TTC19: variants seen among roughly 807,000 people sequenced by gnomAD.
The protein encoded by TTC19 is tetratricopeptide repeat domain 19.
TTC19 carries 38 observed loss-of-function variants against 49.5 expected under a neutral mutation model. That is an observed-to-expected ratio of 0.77 (90% CI 0.59 to 1.01). The LOEUF (loss-of-function observed/expected upper bound fraction) is 1.01, where lower values mean the gene tolerates loss of function less well. Ranked by LOEUF, TTC19 falls within the 50% of genes least tolerant of loss-of-function variation. TTC19 has a pLI of 0.00. For synonymous variants in TTC19, 204 were observed against 185.2 expected (o/e 1.10, Z -0.83); for missense variants, 475 against 477.7 (o/e 0.99, Z 0.05).
chr17:16,044,043 C>T (rs943244994), intron 2 of TTC19, among the ~76,000 whole-genome samples: 2 of 151,864 alleles, frequency 1.3e-5, no homozygotes, highest in Non-Finnish European at 2.9e-5. Context: ...GTGGCTGGTG[C>T]CTGTAATCCC....
At chr17:16,006,669 T>A in intron 7 of TTC19, 101 bp downstream of exon 7, 2 of 852,312 alleles carry the variant, frequency 2.3e-6, no homozygotes, top group East Asian at 4.9e-5. Flanking sequence ...GAGGGAAAGT[T>A]ACCTATTTTG....
downstream of TTC19, chr17:16,030,227 T>G: frequency 4.4e-6 from 1 of 228,418 alleles, no homozygotes. Flanking sequence ...TGGATCATCA[T>G]GAAGGTCTTC....
chr17:16,002,107 C>A, intron 3 of TTC19, 82 bp downstream of exon 3: 2 of 939,632 alleles, frequency 2.1e-6, no homozygotes, highest in South Asian at 1.3e-5. Flanking sequence ...GATTTATATT[C>A]CTGACTTTCA....
intron 2 of TTC19, chr17:16,034,940 T>A (rs1331700840): frequency 6.2e-7 from 1 of 1,613,300 alleles, no homozygotes; most frequent in Non-Finnish European, 8.5e-7. Context: ...GTTTGCAAAC[T>A]CCTCCTGAAA....
intron 2 of TTC19, among the ~76,000 whole-genome samples, chr17:16,034,441 A>C (rs1973588838): frequency 6.6e-6 from 1 of 152,004 alleles, no homozygotes; most frequent in Non-Finnish European, 1.5e-5. Flanking sequence ...ATAAAAATTA[A>C]AATGAAAATG....
intron 2 of TTC19, chr17:16,040,390 A>C (rs964283548): frequency 1.3e-6 from 2 of 1,504,390 alleles, no homozygotes; most frequent in Non-Finnish European, 1.8e-6. Context: ...TGTTGGACTG[A>C]CTACTGCTGT....
chr17:16,038,710 T>C (rs2056946283), intron 2 of TTC19, among the ~76,000 whole-genome samples: 1 of 152,192 alleles, frequency 6.6e-6, no homozygotes, highest in Admixed American at 6.5e-5. Context: ...AGTGCTATGA[T>C]TACACCTTTT....
chr17:16,023,988 A>G (rs1416511881), intron 7 of TTC19: 1 of 152,142 alleles, frequency 6.6e-6, no homozygotes, highest in African/African-American at 2.4e-5. Context: ...CTCTTTTTCT[A>G]GTCTTTTATT....
intron 7 of TTC19, among the ~76,000 whole-genome samples, chr17:16,019,028 G>GTA (rs1349604931): frequency 3.9e-5 from 6 of 152,014 alleles, no homozygotes; most frequent in Admixed American, 6.6e-5. Flanking sequence ...TATTGCACTT[G>GTA]TATATATCAA....
At chr17:16,041,391 GAA>G in intron 2 of TTC19, 1 of 137,148 alleles carries the variant, frequency 7.3e-6, no homozygotes, top group Admixed American at 7.5e-5. Flanking sequence ...GTGTCCCAAA[GAA>G]TGTGAAAGTT....
At chr17:16,022,361 A>G (rs986572838) in intron 7 of TTC19, among the ~76,000 whole-genome samples, 7 of 151,728 alleles carry the variant, frequency 4.6e-5, no homozygotes, top group Admixed American at 4.6e-4. Context: ...GGTTTCATCT[A>G]TAGTGTTACG....
intron 9 of TTC19, 36 bp from the exon 10 acceptor site, chr17:16,027,338 T>G: frequency 6.2e-7 from 1 of 1,612,352 alleles, no homozygotes; most frequent in Non-Finnish European, 8.5e-7. Context: ...AACATACACT[T>G]TCTTCTTACT....
chr17:16,025,436 C>G (rs1279938564), intron 8 of TTC19, among the ~76,000 whole-genome samples: 1 of 152,166 alleles, frequency 6.6e-6, no homozygotes, highest in Non-Finnish European at 1.5e-5. Flanking sequence ...TTCTACAGAG[C>G]AGGACTGGTC....
intron 2 of TTC19, among the ~76,000 whole-genome samples, chr17:16,041,572 G>A (rs1432277171): frequency 6.7e-6 from 1 of 150,268 alleles, no homozygotes; most frequent in Admixed American, 6.6e-5. Context: ...CCGCCACCAT[G>A]CCCAGCTAAT....
intron 7 of TTC19, among the ~76,000 whole-genome samples, chr17:16,021,720 G>A (rs1328042687): frequency 6.6e-6 from 1 of 152,214 alleles, no homozygotes; most frequent in Non-Finnish European, 1.5e-5. Flanking sequence ...TAAGGAGTTA[G>A]AATTACTGGA....
At chr17:16,021,056 A>G (rs6416868) in intron 7 of TTC19, among the ~76,000 whole-genome samples, 97,145 of 152,094 alleles carry the variant, frequency 0.64, 32,532 homozygotes, top group African/African-American at 0.84. Flanking sequence ...CCCATTACAC[A>G]CTAGATATGC....
chr17:16,015,849 AATCTT>A (rs1971198314), intron 7 of TTC19, among the ~76,000 whole-genome samples: 1 of 152,142 alleles, frequency 6.6e-6, no homozygotes, highest in African/African-American at 2.4e-5. Context: ...TATATTTACT[AATCTT>A]ATTTATTATA....
At chr17:16,040,555 G>T in intron 2 of TTC19, 1 of 1,402,642 alleles carries the variant, frequency 7.1e-7, no homozygotes, top group Non-Finnish European at 9.9e-7. Context: ...CCAAACTAAA[G>T]TCTCAAAAAA....
Position 16,000,003 on chromosome 17 carries a change from G to T in TTC19, c.155G>T (p.Arg52Leu). Residue 52 changes from arginine (R) to leucine (L), a missense_variant, in exon 1 of 10, where the codon CGG becomes CTG. Physicochemically the swap from Arg to Leu is moderately radical, Grantham distance 102. Transcript: ENST00000261647. ...CCATCCCGAGTCGCGCCGCACGGCC[G>T]GGGCCCAGGCCTGCTGCCGCTGCTG... ...VPPSRVAPHG[R>L]GPGLLPLLAA... The T allele has an allele frequency of 8.0e-7, 1 of 1,254,542 alleles. No individual in the cohort carries two copies. Among genetic ancestry groups the T allele is most frequent in the South Asian group, 2.9e-5 (1 of 34,970 alleles). The allele number at this position is 1,254,542 out of a possible 1,614,324, so 77.7% of individuals were successfully genotyped here.
Sources: gnomAD v4.1 joint callset for allele counts (sites outside exome capture counted in the v4.1 genomes callset) on GRCh38, gnomAD v4.1.1 for gene constraint, MANE v1.5 for transcripts, NCBI Gene and HGNC (gene_info 2026-07-23, HGNC 2026-07-21) for gene names.